Variants in ZNF710 observed in about 807,000 individuals in gnomAD.
The protein encoded by ZNF710 is zinc finger protein 710.
In ZNF710, 13 loss-of-function variants were observed where a neutral mutation model predicts 50.6. The observed-to-expected ratio is 0.26, with a 90% CI of 0.17 to 0.41. The LOEUF (loss-of-function observed/expected upper bound fraction) is 0.41. ZNF710 is among the 10% of genes least tolerant of loss of function. The pLI is 1.00. For missense variants in ZNF710, 721 were observed against 936.6 expected (o/e 0.77, Z 3.01); for synonymous variants, 383 against 397.0 (o/e 0.96, Z 0.42).
At chr15:90,005,726 G>A (rs1331319269) in intron 1 of ZNF710, among the ~76,000 whole-genome samples, 1 of 152,216 alleles carries the variant, frequency 6.6e-6, no homozygotes, top group African/African-American at 2.4e-5. Context: ...GGGATTACAG[G>A]CGTGAGCCAC....
In ZNF710 at chr15:90,081,034, C is replaced by T. The variant is rs973838027; in HGVS notation, c.*1205C>T. 6.6e-6 allele frequency: 1 copy of T among 152,218 alleles called. No individual in the cohort carries two copies. Among genetic ancestry groups the T allele is most frequent in the African/African-American group, 2.4e-5 (1 of 41,440 alleles). 9.4% of individuals were successfully genotyped at this position (152,218 alleles called of 1,614,324 possible). ...GGCTCCATGGGGACTGTCACCCTGG[C>T]CCTGGAGGTGCAGCCGCTGGCAGCA... On this transcript the variant is annotated 3_prime_UTR_variant, in exon 5 of 5. Transcript: ENST00000268154.
intron 1 of ZNF710, among the ~76,000 whole-genome samples, chr15:90,021,769 C>G (rs1044882947): frequency 6.6e-6 from 1 of 152,132 alleles, no homozygotes; most frequent in African/African-American, 2.4e-5. Context: ...GAGGTGGTGT[C>G]TAGCTGAGTC....
intron 1 of ZNF710, among the ~76,000 whole-genome samples, chr15:90,035,133 G>T (rs1007941329): frequency 6.6e-6 from 1 of 152,252 alleles, no homozygotes; most frequent in African/African-American, 2.4e-5. Flanking sequence ...CTGGGCACAG[G>T]CACATGGCCA....
intron 1 of ZNF710, among the ~76,000 whole-genome samples, chr15:90,063,664 CT>C (rs1232213106): frequency 6.6e-6 from 1 of 152,088 alleles, no homozygotes. Flanking sequence ...GGAGTGGCCC[CT>C]TGTAGAAAGG....
Position 90,034,433 on chromosome 15 carries a change from TG to T in ZNF710, c.-28-32676del, listed in dbSNP as rs1899049471. ...TCCTTCCTGTTTCCAAATTCCTGTG[TG>T]TGTGTGTGTGTGTGTGTGTGTGTGT... On this transcript the variant is annotated intron_variant, in intron 1 of 4. Transcript: ENST00000268154. This position sits in a 1 kb window ranked among gnomAD's most constrained non-coding sequence, Gnocchi z 4.0. 1.9e-5 allele frequency among the ~76,000 whole-genome samples: 1 copy of T among 53,976 alleles called. No homozygotes were observed. The highest frequency in any genetic ancestry group is 3.9e-5 in the Non-Finnish European group (1 of 25,820). 35.4% of individuals were successfully genotyped at this position (53,976 alleles called of 152,430 possible).
chr15:90,011,691 C>CT (rs1252548693), intron 1 of ZNF710, among the ~76,000 whole-genome samples: 1 of 152,154 alleles, frequency 6.6e-6, no homozygotes, highest in East Asian at 1.9e-4. Flanking sequence ...TGGCAAAGGT[C>CT]TTTTAGTCAT....
chr15:90,033,092 C>G (rs1402526523), intron 1 of ZNF710, among the ~76,000 whole-genome samples: 1 of 152,130 alleles, frequency 6.6e-6, no homozygotes, highest in African/African-American at 2.4e-5. Flanking sequence ...GTTAACCAAG[C>G]AAGAGGAGGA....
At chr15:90,007,532 AT>A (rs1436456638) in intron 1 of ZNF710, among the ~76,000 whole-genome samples, 6 of 152,074 alleles carry the variant, frequency 3.9e-5, no homozygotes, top group Non-Finnish European at 7.4e-5. Context: ...GGCTCTAAGA[AT>A]TTGTCAAATG....
rs1017089343 is a variant in ZNF710, at chr15:90,059,191, G to A, written c.-28-7919G>A. 6.6e-6 allele frequency among the ~76,000 whole-genome samples: 1 copy of A among 152,222 alleles called. No individual in the cohort carries two copies. Among genetic ancestry groups the A allele is most frequent in the Non-Finnish European group, 1.5e-5 (1 of 68,046 alleles). On this transcript the variant is annotated intron_variant, in intron 1 of 4. Transcript: ENST00000268154. The surrounding 1 kb of genome is among the most constrained non-coding windows in gnomAD (Gnocchi z 4.1). The stretch of plus-strand genomic sequence containing the variant: ...TGATGGGAAATTCACCCAGTTCGAG[G>A]GAAGGGCAGTCCTGGCAGGGGAATC...
Position 90,031,028 on chromosome 15 carries a change from GA to G in ZNF710, c.-29+29427del, listed in dbSNP as rs540881386. Among the ~76,000 whole-genome samples the G allele has an allele frequency of 1.2e-3, 143 of 122,742 alleles. 1 individual carries two copies. Among genetic ancestry groups the G allele is most frequent in the East Asian group, 8.5e-3 (37 of 4,376 alleles). 80.5% of individuals were successfully genotyped at this position (122,742 alleles called of 152,430 possible). ...AGCGAGACTCCGTCTCAAAAAAAAA[GA>G]AAAAAAAAAAAATGCTTAATGGATT... On this transcript the variant is annotated intron_variant, in intron 1 of 4. Transcript: ENST00000268154.
Position 90,067,954 on chromosome 15 carries a change from C to G in ZNF710, c.817C>G (p.Arg273Gly). 1 of 1,614,048 alleles carries G rather than the reference C, an allele frequency of 6.2e-7. No individual in the cohort carries two copies. Among genetic ancestry groups the G allele is most frequent in the Non-Finnish European group, 8.5e-7 (1 of 1,180,034 alleles). ...ACGCCACAAGAAGGCCCAGCTGGAT[C>G]GGCTGGACATCAACGTGCAGATTGA... ...VERHKKAQLD[R>G]LDINVQIDDS... is the part of the protein sequence containing the mutation. The change falls in exon 2 of 5, where the codon CGG becomes GGG. Residue 273 changes from arginine (R) to glycine (G), a missense_variant. Transcript: ENST00000268154. The surrounding 1 kb of genome is among the most constrained non-coding windows in gnomAD (Gnocchi z 8.1).
In ZNF710 at chr15:90,068,436, C is replaced by G; in HGVS notation, c.1299C>G (p.Thr433=). 1 of 1,614,118 alleles carries G rather than the reference C, an allele frequency of 6.2e-7. No homozygotes were observed. Among genetic ancestry groups the G allele is most frequent in the Non-Finnish European group, 8.5e-7 (1 of 1,180,050 alleles). ...ACCTGGCCTCCCACCAGGGCCCCAC[C>G]CTCTACCAGTGCCTCGAGTGTGACA... is the stretch of plus-strand genomic sequence containing the variant. ...KRHLASHQGP[T]LYQCLECDKS... The change falls in exon 2 of 5, where the codon ACC becomes ACG. Residue 433 remains threonine, a synonymous_variant. Transcript: ENST00000268154. This position sits in a 1 kb window ranked among gnomAD's most constrained non-coding sequence, Gnocchi z 5.0.
At chr15:90,074,729 G>A in intron 4 of ZNF710, 4 of 349,352 alleles carry the variant, frequency 1.1e-5, no homozygotes, top group South Asian at 9.0e-5. Flanking sequence ...TTTCAAATAA[G>A]TGTATGGGAA....
At chr15:90,014,590 C>T (rs1454266919) in intron 1 of ZNF710, among the ~76,000 whole-genome samples, 4 of 148,830 alleles carry the variant, frequency 2.7e-5, no homozygotes, top group Non-Finnish European at 4.5e-5. Context: ...AAAACGAACA[C>T]ATTAAAACAA....
At chr15:90,072,892 C>A (rs1900440729) in intron 2 of ZNF710, among the ~76,000 whole-genome samples, 179 bp from the exon 3 acceptor site, 1 of 152,204 alleles carries the variant, frequency 6.6e-6, no homozygotes, top group Admixed American at 6.5e-5. Context: ...TCTGCCCCCA[C>A]ATTCTTCGGT....
intron 1 of ZNF710, among the ~76,000 whole-genome samples, chr15:90,058,721 A>ATATATATATATATATG (rs1567236953): frequency 6.9e-6 from 1 of 144,576 alleles, no homozygotes; most frequent in South Asian, 2.1e-4. Flanking sequence ...ATATATATAC[A>ATATATATATATATATG]CACATATACA....
chr15:90,079,738 C>A lies in ZNF710; in HGVS notation c.1904C>A (p.Ala635Asp), dbSNP rs754017962. 10 of 1,613,758 alleles carry A rather than the reference C, an allele frequency of 6.2e-6. No homozygotes were observed. The African/African-American group carries it at 1.3e-4, about 22-fold the overall frequency. Residue 635 changes from alanine to aspartate, a missense_variant, in exon 5 of 5, where the codon GCC becomes GAC. Physicochemically the swap from Ala to Asp is moderately radical, Grantham distance 126 (BLOSUM62 -2). This residue lies in a region of ZNF710 where 69 missense variants were observed against 67.6 expected (regional missense o/e 1.02). Coordinates refer to ENST00000268154, the MANE Select transcript of ZNF710 (RefSeq NM_198526.4). ...QQEMEDFEEN[A>D]YSYASVDSSA... Reference sequence around the variant, plus strand: ...GAGATGGAGGACTTCGAGGAGAACGCCTACAGCTATGCGAGCGTGGACAGC... The same window carrying A: ...GAGATGGAGGACTTCGAGGAGAACGACTACAGCTATGCGAGCGTGGACAGC...
intron 4 of ZNF710, among the ~76,000 whole-genome samples, chr15:90,077,408 T>C (rs1283259748): frequency 6.6e-6 from 1 of 152,026 alleles, no homozygotes; most frequent in Non-Finnish European, 1.5e-5. Context: ...CACGCCCGGC[T>C]AATTTTTTTG....
At chr15:90,052,548 C>T (rs1408214629) in intron 1 of ZNF710, among the ~76,000 whole-genome samples, 1 of 152,186 alleles carries the variant, frequency 6.6e-6, no homozygotes, top group East Asian at 1.9e-4. Flanking sequence ...CAGCTCCAAT[C>T]CTGCCTTTAT....
Sources: gnomAD v4.1 joint callset for allele counts (sites outside exome capture counted in the v4.1 genomes callset) on GRCh38, gnomAD v4.1.1 for gene constraint, gnomAD v4.1.1 regional missense constraint, Gnocchi (gnomAD v3.1) non-coding constraint, MANE v1.5 for transcripts, NCBI Gene and HGNC (gene_info 2026-07-23, HGNC 2026-07-21) for gene names.